The following PLEKHA7 variants were observed in gnomAD, a reference collection of about 807,000 sequenced individuals.
PLEKHA7 encodes the protein pleckstrin homology domain containing A7, also known as pleckstrin homology domain-containing family A member 7.
In PLEKHA7, 104 loss-of-function variants were observed where a neutral mutation model predicts 170.0. The observed-to-expected ratio is 0.61, with a 90% confidence interval of 0.52 to 0.72. PLEKHA7 has a LOEUF of 0.72. Ranked by LOEUF, PLEKHA7 falls within the 30% of genes least tolerant of loss-of-function variation. The pLI is 0.00. For synonymous variants in PLEKHA7, 648 were observed against 660.8 expected, an observed-to-expected ratio of 0.98 and a Z score of 0.30; for missense variants, 1,615 against 1,671.7, an observed-to-expected ratio of 0.97 and a Z score of 0.59.
At chr11:16,839,418 AAAT>A (rs1202005978) in intron 9 of PLEKHA7, among the ~76,000 whole-genome samples, 1 of 149,658 alleles carries the variant, frequency 6.7e-6, no homozygotes, top group Non-Finnish European at 1.5e-5. Context: ...TTATATAGTT[AAAT>A]ATACATTTAA....
intron 3 of PLEKHA7, among the ~76,000 whole-genome samples, chr11:16,876,088 GC>G (rs1855272105): frequency 6.6e-6 from 1 of 151,916 alleles, no homozygotes; most frequent in Non-Finnish European, 1.5e-5. Context: ...AAGTCCTCTG[GC>G]TTTACTCGCT....
intron 5 of PLEKHA7, 121 bp downstream of exon 5, chr11:16,855,682 G>C (rs1853377300): frequency 1.3e-6 from 1 of 754,474 alleles, no homozygotes; most frequent in South Asian, 1.7e-5. Context: ...CATTTGGGGA[G>C]AACACTTCTT....
intron 3 of PLEKHA7, among the ~76,000 whole-genome samples, chr11:16,899,707 T>C (rs1054588878): frequency 2.6e-5 from 4 of 152,198 alleles, no homozygotes; most frequent in African/African-American, 9.7e-5. Context: ...CACTGTGCTA[T>C]GTACTTCCCA....
Position 17,014,411 on chromosome 11 carries a change from G to C in PLEKHA7, c.-10C>G. 1 of 1,325,554 alleles carries C rather than the reference G, an allele frequency of 7.5e-7. No homozygotes were observed. 82.1% of individuals were successfully genotyped at this position (1,325,554 alleles called of 1,614,324 possible). A position where few individuals can be genotyped will look rare whatever the true frequency, so the allele number is the denominator to read the frequency against. On this transcript the variant is annotated 5_prime_UTR_variant, in exon 1 of 27. Coordinates refer to ENST00000531066, the MANE Select transcript of PLEKHA7 (RefSeq NM_001329630.2). ...CCGTCGCCGCCGCCATGTTCGCCGA[G>C]CGCGGAGCCGCCGCGGGGTGGGGGG...
intron 3 of PLEKHA7, among the ~76,000 whole-genome samples, chr11:16,929,899 G>A (rs1859807807): frequency 6.6e-6 from 1 of 152,184 alleles, no homozygotes; most frequent in African/African-American, 2.4e-5. Context: ...AGCTACTCGG[G>A]AGGCTGAGGC....
chr11:17,008,386 G>A (rs1457613457), intron 3 of PLEKHA7, among the ~76,000 whole-genome samples: 2 of 152,226 alleles, frequency 1.3e-5, no homozygotes, highest in Non-Finnish European at 2.9e-5. Context: ...AAGACGCAGA[G>A]GAGGCCGTTT....
chr11:16,852,986 C>T (rs973458082), intron 6 of PLEKHA7, among the ~76,000 whole-genome samples: 1 of 152,154 alleles, frequency 6.6e-6, no homozygotes, highest in Non-Finnish European at 1.5e-5. Context: ...TTTTCAAAAA[C>T]ATGGCAAAGG....
At chr11:17,005,068 T>C (rs1440514599) in intron 3 of PLEKHA7, among the ~76,000 whole-genome samples, 1 of 152,122 alleles carries the variant, frequency 6.6e-6, no homozygotes, top group African/African-American at 2.4e-5. Context: ...ATATTGAGGC[T>C]GAAAAGCCAA....
intron 3 of PLEKHA7, among the ~76,000 whole-genome samples, chr11:16,886,961 A>G (rs1856156519): frequency 6.6e-6 from 1 of 152,212 alleles, no homozygotes; most frequent in African/African-American, 2.4e-5. Flanking sequence ...GATGAACAAA[A>G]TAACAGTTTT....
chr11:16,876,442 G>A (rs1394757751), intron 3 of PLEKHA7, among the ~76,000 whole-genome samples: 2 of 152,338 alleles, frequency 1.3e-5, no homozygotes, highest in East Asian at 3.9e-4. Context: ...CCTCCCAGAA[G>A]CAGCCCCTTG....
intron 3 of PLEKHA7, among the ~76,000 whole-genome samples, chr11:16,915,008 C>G (rs112960536): frequency 8.5e-5 from 13 of 152,330 alleles, no homozygotes; most frequent in Non-Finnish European, 1.5e-4. Context: ...ACAGGCCACT[C>G]TGCTGTTTCT....
chr11:16,817,792 A>G lies in PLEKHA7; in HGVS notation c.1344-470T>C, dbSNP rs937727340. Among the ~76,000 whole-genome samples the G allele has an allele frequency of 6.6e-6, 1 of 152,098 alleles. No individual in the cohort carries two copies. The highest frequency in any genetic ancestry group is 1.5e-5 in the Non-Finnish European group (1 of 68,016). On this transcript the variant is annotated intron_variant, in intron 10 of 26. Coordinates refer to ENST00000531066, the MANE Select transcript of PLEKHA7 (RefSeq NM_001329630.2). This position sits in a 1 kb window ranked among gnomAD's most constrained non-coding sequence, Gnocchi z 4.4. ...CTTCTAGTCCAGATACTGATTAATT[A>G]TCTCCCTCCAGACAACTCTGAGATG...
chr11:16,863,135 C>T (rs1231148322), intron 4 of PLEKHA7, among the ~76,000 whole-genome samples: 2 of 152,118 alleles, frequency 1.3e-5, no homozygotes, highest in Admixed American at 6.6e-5. Flanking sequence ...AAGTGATACC[C>T]CGCCCCCGAA....
intron 3 of PLEKHA7, among the ~76,000 whole-genome samples, chr11:16,941,566 C>G (rs1009141266): frequency 6.6e-6 from 1 of 152,230 alleles, no homozygotes; most frequent in Non-Finnish European, 1.5e-5. Context: ...ATTTACAGAA[C>G]ACTTACTATG....
Position 16,985,776 on chromosome 11 carries a change from T to G in PLEKHA7, c.221+28213A>C, listed in dbSNP as rs370824186. The stretch of plus-strand genomic sequence containing the variant: ...CAGAGAGACATTACACAGACTAAGG[T>G]GATATGTGGCAAGAGAGGATGCTAG... On this transcript the variant is annotated intron_variant, in intron 3 of 26. Coordinates refer to ENST00000531066, the MANE Select transcript of PLEKHA7 (RefSeq NM_001329630.2). Among the ~76,000 whole-genome samples the G allele has an allele frequency of 1.5e-4, 23 of 152,276 alleles. No individual in the cohort carries two copies. The South Asian group carries it at 4.8e-3, about 32-fold the overall frequency.
intron 3 of PLEKHA7, among the ~76,000 whole-genome samples, chr11:16,934,152 A>C (rs1274228152): frequency 6.6e-6 from 1 of 152,152 alleles, no homozygotes; most frequent in East Asian, 1.9e-4. Flanking sequence ...GTCCCCTTCC[A>C]CTTCAACACT....
At chr11:16,797,618 C>A (rs910165946) in intron 17 of PLEKHA7, among the ~76,000 whole-genome samples, 14 of 152,198 alleles carry the variant, frequency 9.2e-5, no homozygotes, top group African/African-American at 3.4e-4. Flanking sequence ...AGCACATCCT[C>A]AGGTCTGGCA....
chr11:16,782,920 C>T lies in PLEKHA7; in HGVS notation c.3651-24G>A, dbSNP rs1020644751. On this transcript the variant is annotated intron_variant, in intron 25 of 26. Transcript: ENST00000531066. Reference sequence around the variant, plus strand: ...TGCTGTAGGAGGGTCGGAAGCAGACCATGGGCCCTCCTGCCCTGGGTAGCA... The same window carrying T: ...TGCTGTAGGAGGGTCGGAAGCAGACTATGGGCCCTCCTGCCCTGGGTAGCA... 7.8e-6 allele frequency: 12 copies of T among 1,533,556 alleles called. No individual in the cohort carries two copies. The East Asian group carries it at 9.8e-5, about 13-fold the overall frequency. 95.0% of individuals were successfully genotyped at this position (1,533,556 alleles called of 1,614,324 possible).
chr11:16,926,253 T>C (rs1859533338), intron 3 of PLEKHA7, among the ~76,000 whole-genome samples: 1 of 152,242 alleles, frequency 6.6e-6, no homozygotes, highest in Non-Finnish European at 1.5e-5. Flanking sequence ...CCATACCCTC[T>C]GGCTTGTCTC....
Sources: gnomAD v4.1 joint callset for allele counts (sites outside exome capture counted in the v4.1 genomes callset) on GRCh38, gnomAD v4.1.1 for gene constraint, Gnocchi (gnomAD v3.1) non-coding constraint, MANE v1.5 for transcripts, NCBI Gene and HGNC (gene_info 2026-07-23, HGNC 2026-07-21) for gene names.